NPRL3: variants seen among roughly 807,000 people sequenced by gnomAD.
NPRL3 encodes the protein GATOR1 complex protein NPRL3.
NPRL3 carries 23 observed loss-of-function variants against 57.2 expected under a neutral mutation model. That is an observed-to-expected ratio of 0.40 (90% CI 0.29 to 0.57). The LOEUF is 0.57. Ranked by LOEUF, NPRL3 falls within the 20% of genes least tolerant of loss-of-function variation. NPRL3 has a pLI of 0.42. For synonymous variants in NPRL3, 333 were observed against 321.1 expected, an observed-to-expected ratio of 1.04 and a Z score of -0.39; for missense variants, 691 against 767.1, an observed-to-expected ratio of 0.90 and a Z score of 1.17.
At chr16:111,632 C>T (rs1287994450) in intron 6 of NPRL3, among the ~76,000 whole-genome samples, 4 of 151,454 alleles carry the variant, frequency 2.6e-5, no homozygotes, top group East Asian at 3.9e-4. Flanking sequence ...GGGTTTTTTT[C>T]GGTAGAGGCA....
In NPRL3 at chr16:88,387, C is replaced by CAAAAAAAAA. The variant is rs56670370; in HGVS notation, c.1544+302_1544+310dup. Among the ~76,000 whole-genome samples, 312 of 130,892 alleles carry CAAAAAAAAA rather than the reference C, an allele frequency of 2.4e-3. 4 individuals are homozygous for CAAAAAAAAA. The highest frequency in any genetic ancestry group is 9.3e-3 in the African/African-American group (292 of 31,338). The allele number at this position is 130,892 out of a possible 152,430, so 85.9% of individuals were successfully genotyped here. ...TGGGTGACAGAGCGAGACTCCGTCT[C>CAAAAAAAAA]AAAAAAAAAAAAAAAAAAAAAGAAC... On this transcript the variant is annotated intron_variant, in intron 13 of 13. Transcript: ENST00000611875.
At chr16:121,924 G>A (rs558432326) in intron 3 of NPRL3, among the ~76,000 whole-genome samples, 2 of 151,550 alleles carry the variant, frequency 1.3e-5, no homozygotes, top group South Asian at 2.1e-4. Context: ...AGAGGCACCC[G>A]CCACCACGCC....
intron 3 of NPRL3, among the ~76,000 whole-genome samples, chr16:120,301 G>A (rs1900229339): frequency 6.6e-6 from 1 of 152,176 alleles, no homozygotes; most frequent in Non-Finnish European, 1.5e-5. Context: ...AGACCCCTAA[G>A]GTCCTAGAAG....
chr16:103,296 A>ATTTTT (rs533871530), intron 7 of NPRL3, among the ~76,000 whole-genome samples: 5,242 of 41,988 alleles, frequency 0.12, 1,718 homozygotes, highest in Non-Finnish European at 0.17. Context: ...GCCTGGGGTG[A>ATTTTT]TTTTTTTTTT....
chr16:104,155 TG>T (rs902817294), intron 7 of NPRL3, among the ~76,000 whole-genome samples: 2 of 143,154 alleles, frequency 1.4e-5, no homozygotes, highest in African/African-American at 2.6e-5. Context: ...TAGCCAGGTG[TG>T]GTGGCAGGTG....
At chr16:88,650 C>A in intron 13 of NPRL3, 48 bp downstream of exon 13, 1 of 1,537,134 alleles carries the variant, frequency 6.5e-7, no homozygotes. Flanking sequence ...CACTTTCTGC[C>A]CTGACCCTGC....
chr16:130,702 C>T, intron 2 of NPRL3, 111 bp from the exon 3 acceptor site: 3 of 961,062 alleles, frequency 3.1e-6, no homozygotes, highest in Non-Finnish European at 4.8e-6. Flanking sequence ...TCTGTCCATA[C>T]CATGGAATAT....
chr16:100,394 C>G lies in NPRL3; in HGVS notation c.745G>C (p.Glu249Gln). Residue 249 changes from glutamate to glutamine, a missense_variant, in exon 8 of 14, where the codon GAA becomes CAA. Glu to Gln is a conservative substitution (Grantham distance 29, BLOSUM62 2). Transcript: ENST00000611875. ...ASSLIPPEAI[E>Q]RSLKAIRPYH... The stretch of plus-strand genomic sequence containing the variant: ...TACCGGATGGCTTTCAGGCTCCGTT[C>G]GATGGCCTCTGGGGGGATCAGACTG... 6.4e-7 allele frequency: 1 copy of G among 1,562,526 alleles called. No homozygotes were observed. The highest frequency in any genetic ancestry group is 1.2e-5 in the South Asian group (1 of 84,516).
Position 98,276 on chromosome 16 carries a change from T to A in NPRL3, c.793A>T (p.Ser265Cys). 6.2e-7 allele frequency: 1 copy of A among 1,613,896 alleles called. No individual in the cohort carries two copies. The highest frequency in any genetic ancestry group is 1.3e-5 in the African/African-American group (1 of 75,020). The change falls in exon 9 of 14, where the codon AGT becomes TGT. Residue 265 changes from serine to cysteine, a missense_variant. Ser to Cys is a moderately radical substitution (Grantham distance 112). Transcript: ENST00000611875. ...IRPYHALLLL[S>C]DEKSLLGELP... ...TCACCCAGCAAGGACTTCTCATCAC[T>A]GAGCAGCAGCAGGGCATGGTAGGGG...
intron 7 of NPRL3, among the ~76,000 whole-genome samples, chr16:105,990 C>T (rs906330207): frequency 2.6e-5 from 4 of 152,198 alleles, no homozygotes; most frequent in African/African-American, 9.7e-5. Flanking sequence ...GCTATTCAGC[C>T]ACACCATAAC....
In NPRL3 at chr16:89,835, A is replaced by G; in HGVS notation, c.1229T>C (p.Val410Ala). The G allele has an allele frequency of 6.3e-7, 1 of 1,582,798 alleles. No homozygotes were observed. Among genetic ancestry groups the G allele is most frequent in the Non-Finnish European group, 8.6e-7 (1 of 1,165,854 alleles). The change falls in exon 12 of 14, where the codon GTC (valine) becomes GCC (alanine). Residue 410 changes from valine (V) to alanine (A), a missense_variant. By Grantham distance (64) the Val-to-Ala change is moderately conservative. Coordinates refer to ENST00000611875, the MANE Select transcript of NPRL3 (RefSeq NM_001077350.3). ...RRLLIQLHTY[V>A]CLMASPSEEE... is the part of the protein sequence containing the mutation. ...CTCGCTGGGTGAGGCCATCAGGCAGACATAGGTGTGCAGCTGGATGAGAAG... is the reference window on the plus strand; with the variant it reads ...CTCGCTGGGTGAGGCCATCAGGCAGGCATAGGTGTGCAGCTGGATGAGAAG...
chr16:96,672 AT>A (rs1899022115), intron 9 of NPRL3, among the ~76,000 whole-genome samples: 2 of 135,826 alleles, frequency 1.5e-5, no homozygotes, highest in African/African-American at 2.6e-5. Context: ...AAAAAAAAAT[AT>A]TAGCCAGGCG....
At chr16:118,283 C>T (rs1025086948) in intron 4 of NPRL3, among the ~76,000 whole-genome samples, 1 of 152,202 alleles carries the variant, frequency 6.6e-6, no homozygotes, top group African/African-American at 2.4e-5. Context: ...ATGCAGAGAG[C>T]TGACTGGCAG....
Position 110,589 on chromosome 16 carries a change from A to T in NPRL3, c.565T>A (p.Ser189Thr). Residue 189 changes from serine to threonine, a missense_variant, in exon 7 of 14, where the codon TCC becomes ACC. Physicochemically the swap from Ser to Thr is moderately conservative, Grantham distance 58. Coordinates refer to ENST00000611875, the MANE Select transcript of NPRL3 (RefSeq NM_001077350.3). ...AMADGNEGPQ[S>T]PFHHILPKCK... ...TTGGGCAGGATGTGATGGAATGGGG[A>T]CTGAGGACCTTCATTTCCTACAAGA... 1 of 1,610,754 alleles carries T rather than the reference A, an allele frequency of 6.2e-7. No homozygotes were observed. Among genetic ancestry groups the T allele is most frequent in the Non-Finnish European group, 8.5e-7 (1 of 1,178,420 alleles).
intron 10 of NPRL3, 64 bp from the exon 11 acceptor site, chr16:92,789 C>T (rs1567130961): frequency 1.3e-6 from 2 of 1,592,420 alleles, no homozygotes; most frequent in East Asian, 4.6e-5. Flanking sequence ...CAACACTGGC[C>T]TCAGTGGGCA....
chr16:105,825 A>G (rs1201376743), intron 7 of NPRL3, among the ~76,000 whole-genome samples: 2 of 152,222 alleles, frequency 1.3e-5, no homozygotes, highest in African/African-American at 4.8e-5. Flanking sequence ...TTCAATGGTC[A>G]TATGAATGAG....
intron 2 of NPRL3, among the ~76,000 whole-genome samples, chr16:134,354 C>A (rs1340654721): frequency 6.6e-6 from 1 of 151,960 alleles, no homozygotes; most frequent in African/African-American, 2.4e-5. Context: ...ATAATACTTT[C>A]CCGGAGTAAA....
At chr16:121,108 A>T (rs1393784052) in intron 3 of NPRL3, among the ~76,000 whole-genome samples, 2 of 152,292 alleles carry the variant, frequency 1.3e-5, no homozygotes, top group East Asian at 3.9e-4. Context: ...AGTCACAGCC[A>T]TGTCTCAGCC....
At chr16:103,755 G>T (rs544758570) in intron 7 of NPRL3, among the ~76,000 whole-genome samples, 1 of 152,138 alleles carries the variant, frequency 6.6e-6, no homozygotes, top group Non-Finnish European at 1.5e-5. Context: ...GAGGCAGGCC[G>T]ATCACTTGAG....
Sources: gnomAD v4.1 joint callset for allele counts (sites outside exome capture counted in the v4.1 genomes callset) on GRCh38, gnomAD v4.1.1 for gene constraint, MANE v1.5 for transcripts, NCBI Gene and HGNC (gene_info 2026-07-23, HGNC 2026-07-21) for gene names.